The following DPYSL2 variants were observed in gnomAD, a reference collection of about 807,000 sequenced individuals.
The protein encoded by DPYSL2 is dihydropyrimidinase-related protein 2.
Under a neutral mutation model 69.9 loss-of-function variants are expected in DPYSL2, and 13 were observed. The observed-to-expected ratio is 0.19, with a 90% CI of 0.12 to 0.30. The LOEUF is 0.30. Among genes scored for constraint, DPYSL2 ranks in the 10% least tolerant of loss-of-function variants. The pLI, the probability that DPYSL2 is intolerant of heterozygous loss-of-function variation, is 1.00. For synonymous variants in DPYSL2, 326 were observed against 359.1 expected (o/e 0.91, Z 1.04); for missense variants, 587 against 918.9 (o/e 0.64, Z 4.67).
rs144720490 is a variant in DPYSL2 at position 26,522,903 on chromosome 8, C to T, written c.354+8224C>T. Among the ~76,000 whole-genome samples, 337 of 152,020 alleles carry T rather than the reference C, an allele frequency of 2.2e-3. 1 individual carries two copies. Among genetic ancestry groups the T allele is most frequent in the African/African-American group, 7.4e-3 (309 of 41,492 alleles). On this transcript the variant is annotated intron_variant, in intron 1 of 13. Coordinates refer to ENST00000521913, the MANE Select transcript of DPYSL2 (RefSeq NM_001197293.3). The stretch of plus-strand genomic sequence containing the variant: ...TATGCTTTTGGTATTATACTATCCC[C>T]GGCTGTTCTTAAAAACTGCTGGATC...
chr8:26,650,438 G>A lies in DPYSL2; in HGVS notation c.1597-1819G>A, dbSNP rs115035451. ...AAGGATGACTCACACCCTTTCAAAG[G>A]TTGTTTCTGAGATGACCAGGGATGA... On this transcript the variant is annotated intron_variant, in intron 11 of 13. Transcript: ENST00000521913. This position sits in a 1 kb window ranked among gnomAD's most constrained non-coding sequence, Gnocchi z 5.3. Among the ~76,000 whole-genome samples, 508 of 152,298 alleles carry A rather than the reference G, an allele frequency of 3.3e-3. 2 individuals are homozygous for A. The highest frequency in any genetic ancestry group is 0.012 in the African/African-American group (495 of 41,560).
intron 1 of DPYSL2, among the ~76,000 whole-genome samples, chr8:26,537,782 C>T (rs759391686): frequency 2.4e-4 from 36 of 152,144 alleles, no homozygotes; most frequent in Non-Finnish European, 4.7e-4. Flanking sequence ...CACATTGATA[C>T]AATACTACCC....
In DPYSL2 at chr8:26,656,061, A is replaced by AT. The variant is rs1318020370; in HGVS notation, c.*356dup. On this transcript the variant is annotated 3_prime_UTR_variant, in exon 14 of 14. Coordinates refer to ENST00000521913, the MANE Select transcript of DPYSL2 (RefSeq NM_001197293.3). Reference sequence around the variant, plus strand: ...AGTGTCTGTTAGCATCTTCCTTTTCATGGGGGGAGGGAAGATAAAGTGAAT... The same window carrying AT: ...AGTGTCTGTTAGCATCTTCCTTTTCATTGGGGGGAGGGAAGATAAAGTGAAT... The AT allele has an allele frequency of 5.2e-6, 1 of 192,580 alleles. No individual in the cohort carries two copies. Among genetic ancestry groups the AT allele is most frequent in the East Asian group, 1.2e-4 (1 of 8,488 alleles). The allele number at this position is 192,580 out of a possible 1,614,324, so 11.9% of individuals were successfully genotyped here.
At chr8:26,539,185 A>T (rs1474823118) in intron 1 of DPYSL2, among the ~76,000 whole-genome samples, 1 of 152,238 alleles carries the variant, frequency 6.6e-6, no homozygotes, top group Non-Finnish European at 1.5e-5. Context: ...ATACACAGGA[A>T]TATTAACTAA....
chr8:26,626,059 G>A lies in DPYSL2; in HGVS notation c.794-558G>A, dbSNP rs1802605828. Among the ~76,000 whole-genome samples the A allele has an allele frequency of 6.6e-6, 1 of 152,158 alleles. No homozygotes were observed. The highest frequency in any genetic ancestry group is 2.1e-4 in the South Asian group (1 of 4,826). On this transcript the variant is annotated intron_variant, in intron 4 of 13. Coordinates refer to ENST00000521913, the MANE Select transcript of DPYSL2 (RefSeq NM_001197293.3). This position sits in a 1 kb window ranked among gnomAD's most constrained non-coding sequence, Gnocchi z 4.3. ...TCTGTCTGTGAAATTGACTTCTAGG[G>A]ACCTCATACAAGTGGAATCATATAG...
Position 26,598,077 on chromosome 8 carries a change from G to A in DPYSL2, c.628+14094G>A, listed in dbSNP as rs1200875926. Among the ~76,000 whole-genome samples, 2 of 152,102 alleles carry A rather than the reference G, an allele frequency of 1.3e-5. No homozygotes were observed. The highest frequency in any genetic ancestry group is 2.1e-4 in the South Asian group (1 of 4,832). On this transcript the variant is annotated intron_variant, in intron 3 of 13. Transcript: ENST00000521913. This position sits in a 1 kb window ranked among gnomAD's most constrained non-coding sequence, Gnocchi z 4.2. ...TGGATCAGCATGTCTTGCATAATAGGGTTGCTTTGAGGATCCAGGGAGGTG... is the reference window on the plus strand; with the variant it reads ...TGGATCAGCATGTCTTGCATAATAGAGTTGCTTTGAGGATCCAGGGAGGTG...
intron 1 of DPYSL2, among the ~76,000 whole-genome samples, chr8:26,534,004 GA>G (rs1246926036): frequency 6.6e-6 from 1 of 152,180 alleles, no homozygotes; most frequent in African/African-American, 2.4e-5. Flanking sequence ...CATGGGCTTT[GA>G]AGGTCCAAGG....
intron 3 of DPYSL2, among the ~76,000 whole-genome samples, chr8:26,612,618 G>T (rs1802256946): frequency 6.6e-6 from 1 of 152,238 alleles, no homozygotes; most frequent in South Asian, 2.1e-4. Context: ...TTGGGAGGCC[G>T]AGGCGGGTGG....
At chr8:26,622,090 TTTCCTTCCTTCCTTCCTTCCTTCCTTCC>T (rs59707085) in intron 3 of DPYSL2, among the ~76,000 whole-genome samples, 1 of 64,376 alleles carries the variant, frequency 1.6e-5, no homozygotes, top group Admixed American at 1.7e-4. Context: ...TCTTTCTTTC[TTTCCTTCCTTCCTTCCTTCCTTCCTTCC>T]TTCCTTCCTT....
intron 3 of DPYSL2, among the ~76,000 whole-genome samples, chr8:26,584,355 G>T (rs556930168): frequency 3.9e-5 from 6 of 152,262 alleles, no homozygotes; most frequent in Admixed American, 6.5e-5. Flanking sequence ...GTATTTGATT[G>T]AGATTTTCAG....
Position 26,642,147 on chromosome 8 carries a change from C to G in DPYSL2, c.1127-1292C>G, listed in dbSNP as rs1253094677. Among the ~76,000 whole-genome samples, 3 of 152,192 alleles carry G rather than the reference C, an allele frequency of 2.0e-5. No homozygotes were observed. The highest frequency in any genetic ancestry group is 4.4e-5 in the Non-Finnish European group (3 of 68,036). On this transcript the variant is annotated intron_variant, in intron 8 of 13. Coordinates refer to ENST00000521913, the MANE Select transcript of DPYSL2 (RefSeq NM_001197293.3). This position sits in a 1 kb window ranked among gnomAD's most constrained non-coding sequence, Gnocchi z 5.3. Reference sequence around the variant, plus strand: ...CAGCTTGGATGCCTTTAATTAATAACATATTAGACCATTTAATCAATTTAA... The same window carrying G: ...CAGCTTGGATGCCTTTAATTAATAAGATATTAGACCATTTAATCAATTTAA...
chr8:26,594,955 G>A (rs62491916), intron 3 of DPYSL2, among the ~76,000 whole-genome samples: 4,385 of 152,268 alleles, frequency 0.029, 91 homozygotes, highest in Middle Eastern at 0.068. Flanking sequence ...ATTGAGGTGG[G>A]AGGATCACTT....
chr8:26,639,419 A>G (rs964020614), intron 8 of DPYSL2, among the ~76,000 whole-genome samples: 1 of 152,200 alleles, frequency 6.6e-6, no homozygotes, highest in Admixed American at 6.5e-5. Context: ...TTCCCAATCT[A>G]TGCCCTCACT....
In DPYSL2 at chr8:26,614,188, G is replaced by A. The variant is rs375892238; in HGVS notation, c.629-9955G>A. 2.4e-4 allele frequency among the ~76,000 whole-genome samples: 37 copies of A among 152,220 alleles called. No homozygotes were observed. Among genetic ancestry groups the A allele is most frequent in the African/African-American group, 8.4e-4 (35 of 41,536 alleles). ...TGAGGGTGGAGGAAGAAGAGCCAGC[G>A]GAAGATTCTTCTGAGACATGGGAAG... On this transcript the variant is annotated intron_variant, in intron 3 of 13. Coordinates refer to ENST00000521913, the MANE Select transcript of DPYSL2 (RefSeq NM_001197293.3). The surrounding 1 kb of genome is among the most constrained non-coding windows in gnomAD (Gnocchi z 4.9).
chr8:26,644,379 T>A lies in DPYSL2; in HGVS notation c.1425+288T>A, dbSNP rs1803116639. On this transcript the variant is annotated intron_variant, in intron 10 of 13. Transcript: ENST00000521913. The surrounding 1 kb of genome is among the most constrained non-coding windows in gnomAD (Gnocchi z 4.5). ...TGGAGTGCAGTGGTACAATCATAGCTCACTGTAGCCTCAAACTCCTGGGCT... is the reference window on the plus strand; with the variant it reads ...TGGAGTGCAGTGGTACAATCATAGCACACTGTAGCCTCAAACTCCTGGGCT... 6.6e-6 allele frequency among the ~76,000 whole-genome samples: 1 copy of A among 152,180 alleles called. No individual in the cohort carries two copies. The highest frequency in any genetic ancestry group is 1.5e-5 in the Non-Finnish European group (1 of 68,028).
At position 26,561,552 on chromosome 8, in the gene DPYSL2, C is replaced by T. The variant is rs142730526; in HGVS notation, c.355-20417C>T. 8.6e-4 allele frequency among the ~76,000 whole-genome samples: 131 copies of T among 151,720 alleles called. 1 individual carries two copies. Among genetic ancestry groups the T allele is most frequent in the African/African-American group, 3.0e-3 (123 of 41,326 alleles). ...AAATCCTGATCAGCTCCCCCATAAT[C>T]CCACACCCCCACTTCACCCCGCTAC... is the stretch of plus-strand genomic sequence containing the variant. On this transcript the variant is annotated intron_variant, in intron 1 of 13. Transcript: ENST00000521913.
chr8:26,653,310 A>G lies in DPYSL2; in HGVS notation c.1855A>G (p.Thr619Ala). The G allele has an allele frequency of 1.2e-6, 2 of 1,613,798 alleles. No homozygotes were observed. The highest frequency in any genetic ancestry group is 1.7e-6 in the Non-Finnish European group (2 of 1,179,956). ...AGTGTCTGTGACGCCCAAGACAGTCACTCCAGCCTCCTCGGCCAAGACGTC... is the reference window on the plus strand; with the variant it reads ...AGTGTCTGTGACGCCCAAGACAGTCGCTCCAGCCTCCTCGGCCAAGACGTC... ...CEVSVTPKTV[T>A]PASSAKTSPA... The change falls in exon 13 of 14, where the codon ACT (threonine) becomes GCT (alanine). Residue 619 changes from threonine to alanine, a missense_variant. Physicochemically the swap from Thr to Ala is moderately conservative, Grantham distance 58. This residue lies in a region of DPYSL2 where 452 missense variants were observed against 754.3 expected (regional missense o/e 0.60). Transcript: ENST00000521913. This position sits in a 1 kb window ranked among gnomAD's most constrained non-coding sequence, Gnocchi z 5.7.
chr8:26,647,703 A>G lies in DPYSL2; in HGVS notation c.1499A>G (p.Tyr500Cys). Reference protein sequence around the residue: ...STNAAKVFNLYPRKGRIAVGS... With the variant: ...STNAAKVFNLCPRKGRIAVGS... ...AATGCAGCCAAAGTCTTCAACCTTT[A>G]CCCCCGGAAAGGCCGCATTGCTGTG... is the stretch of plus-strand genomic sequence containing the variant. Residue 500 changes from tyrosine to cysteine, a missense_variant, in exon 11 of 14, where the codon TAC becomes TGC. Tyr to Cys is a radical substitution (Grantham distance 194). This residue lies in a region of DPYSL2 where 452 missense variants were observed against 754.3 expected (regional missense o/e 0.60). Coordinates refer to ENST00000521913, the MANE Select transcript of DPYSL2 (RefSeq NM_001197293.3). This position sits in a 1 kb window ranked among gnomAD's most constrained non-coding sequence, Gnocchi z 5.1. 6.2e-7 allele frequency: 1 copy of G among 1,614,030 alleles called. No individual in the cohort carries two copies. The highest frequency in any genetic ancestry group is 8.5e-7 in the Non-Finnish European group (1 of 1,180,014).
At chr8:26,569,268 C>G (rs779252810) in intron 1 of DPYSL2, among the ~76,000 whole-genome samples, 1 of 148,496 alleles carries the variant, frequency 6.7e-6, no homozygotes, top group African/African-American at 2.5e-5. Context: ...TGAGGCAGAT[C>G]GCTTGAGCCT....
Sources: allele counts gnomAD v4.1 joint callset (sites outside exome capture counted in the v4.1 genomes callset), GRCh38; gene constraint gnomAD v4.1.1; regional missense constraint gnomAD v4.1.1; non-coding constraint Gnocchi (gnomAD v3.1); transcripts MANE v1.5; gene names NCBI Gene and HGNC (gene_info 2026-07-23, HGNC 2026-07-21).